Variants in PPP2R5E observed in about 807,000 individuals in gnomAD.
PPP2R5E encodes the protein serine/threonine-protein phosphatase 2A 56 kDa regulatory subunit epsilon isoform.
Under a neutral mutation model 65.3 loss-of-function variants are expected in PPP2R5E, and 4 were observed. That is an observed-to-expected ratio of 0.06 (90% CI 0.03 to 0.14). The LOEUF is 0.14. Ranked by LOEUF, PPP2R5E falls within the 10% of genes least tolerant of loss-of-function variation. PPP2R5E has a pLI of 1.00. For missense variants in PPP2R5E, 274 were observed against 556.1 expected (o/e 0.49, Z 5.10); for synonymous variants, 183 against 187.4 (o/e 0.98, Z 0.19).
chr14:63,398,742 A>C (rs1056585450), intron 5 of PPP2R5E, among the ~76,000 whole-genome samples: 1 of 152,214 alleles, frequency 6.6e-6, no homozygotes, highest in African/African-American at 2.4e-5. Context: ...GTGAGCCGAG[A>C]TCGCGCTGCT....
intron 2 of PPP2R5E, among the ~76,000 whole-genome samples, chr14:63,483,276 C>G (rs17101239): frequency 0.33 from 50,101 of 151,852 alleles, 11,082 homozygotes; most frequent in African/African-American, 0.63. Flanking sequence ...AGAATGCACT[C>G]GCAGACATAA....
intron 2 of PPP2R5E, among the ~76,000 whole-genome samples, chr14:63,485,708 C>A (rs1408027735): frequency 6.6e-6 from 1 of 151,570 alleles, no homozygotes; most frequent in Non-Finnish European, 1.5e-5. Flanking sequence ...GACACCGCGC[C>A]CAGCCAGCCA....
intron 6 of PPP2R5E, 22 bp from the exon 7 acceptor site, chr14:63,395,307 G>A (rs1023379530): frequency 2.0e-6 from 3 of 1,508,638 alleles, no homozygotes; most frequent in South Asian, 1.1e-5. Context: ...GGAGAAAAGG[G>A]AGGAGAAAGG....
chr14:63,479,520 A>G (rs1890584542), intron 2 of PPP2R5E: 1 of 152,242 alleles, frequency 6.6e-6, no homozygotes, highest in Non-Finnish European at 1.5e-5. Context: ...ACCTTGCTAA[A>G]TGAACTGACT....
intron 2 of PPP2R5E, among the ~76,000 whole-genome samples, chr14:63,512,953 G>C (rs1892520727): frequency 6.6e-6 from 1 of 151,676 alleles, no homozygotes; most frequent in Non-Finnish European, 1.5e-5. Context: ...TATCACCAAA[G>C]AGAACCAACA....
chr14:63,408,903 T>C (rs1028134271), intron 5 of PPP2R5E, among the ~76,000 whole-genome samples: 2 of 152,182 alleles, frequency 1.3e-5, no homozygotes, highest in African/African-American at 4.8e-5. Context: ...AAGAGCAGCC[T>C]GGCCAACATG....
intron 13 of PPP2R5E, among the ~76,000 whole-genome samples, chr14:63,378,156 A>G (rs77009199): frequency 0.013 from 1,947 of 152,324 alleles, 61 homozygotes; most frequent in East Asian, 0.12. Flanking sequence ...GGGTATATAT[A>G]AATCAATTGT....
intron 2 of PPP2R5E, among the ~76,000 whole-genome samples, chr14:63,460,967 GC>G (rs1470016953): frequency 6.6e-5 from 10 of 152,182 alleles, no homozygotes; most frequent in African/African-American, 2.4e-4. Flanking sequence ...TTCCAACACT[GC>G]ATGTTATCCC....
chr14:63,413,461 T>C (rs1423034900), intron 5 of PPP2R5E, among the ~76,000 whole-genome samples: 1 of 152,196 alleles, frequency 6.6e-6, no homozygotes, highest in East Asian at 1.9e-4. Flanking sequence ...CATCACGGCA[T>C]GATGGACAGA....
intron 3 of PPP2R5E, among the ~76,000 whole-genome samples, chr14:63,430,349 A>ACATACATACATACATGCATACATACATG (rs1566696239): frequency 3.9e-5 from 4 of 103,606 alleles, no homozygotes; most frequent in African/African-American, 1.5e-4. Context: ...ACCCATGTAT[A>ACATACATACATACATGCATACATACATG]CATACATACA....
intron 2 of PPP2R5E, among the ~76,000 whole-genome samples, chr14:63,512,993 C>G (rs1004243297): frequency 5.4e-5 from 7 of 130,424 alleles, no homozygotes; most frequent in Admixed American, 7.2e-5. Context: ...TTCTCCACCC[C>G]CCTACCCCCC....
intron 10 of PPP2R5E, among the ~76,000 whole-genome samples, chr14:63,391,299 G>C (rs1885007167): frequency 6.6e-6 from 1 of 152,184 alleles, no homozygotes; most frequent in South Asian, 2.1e-4. Flanking sequence ...ACTGGGGCAG[G>C]CTATTTAACC....
chr14:63,396,039 T>G (rs950585630), intron 6 of PPP2R5E, among the ~76,000 whole-genome samples: 1 of 992 alleles, frequency 1.0e-3, no homozygotes, highest in Non-Finnish European at 1.7e-3. Context: ...AGGGGGAAGA[T>G]GGGGGAGGGA....
intron 3 of PPP2R5E, among the ~76,000 whole-genome samples, chr14:63,437,002 C>T (rs1887979229): frequency 6.6e-6 from 1 of 152,166 alleles, no homozygotes; most frequent in South Asian, 2.1e-4. Context: ...GTCATAAAGA[C>T]CTTACTGATA....
At chr14:63,426,077 C>T (rs1233822801) in intron 3 of PPP2R5E, among the ~76,000 whole-genome samples, 1 of 152,174 alleles carries the variant, frequency 6.6e-6, no homozygotes, top group African/African-American at 2.4e-5. Flanking sequence ...TTGGACAATT[C>T]AGAGTTGACT....
intron 3 of PPP2R5E, chr14:63,452,941 TC>T (rs1344133104): frequency 6.6e-6 from 1 of 152,158 alleles, no homozygotes; most frequent in Non-Finnish European, 1.5e-5. Flanking sequence ...TAGACCAGCT[TC>T]CCCACCCTGC....
chr14:63,399,452 T>C (rs1189747518), intron 5 of PPP2R5E, among the ~76,000 whole-genome samples: 8 of 141,178 alleles, frequency 5.7e-5, no homozygotes, highest in Admixed American at 5.3e-4. Flanking sequence ...CTATCTCGGC[T>C]TACTGAAACC....
chr14:63,398,499 T>C (rs1011183438), intron 5 of PPP2R5E, among the ~76,000 whole-genome samples: 20 of 152,222 alleles, frequency 1.3e-4, no homozygotes, highest in African/African-American at 4.8e-4. Context: ...TCTATTTTAT[T>C]GATCATTACA....
At chr14:63,471,410 G>A (rs1890125031) in intron 2 of PPP2R5E, among the ~76,000 whole-genome samples, 1 of 152,256 alleles carries the variant, frequency 6.6e-6, no homozygotes, top group African/African-American at 2.4e-5. Flanking sequence ...CTGAAGACAG[G>A]TCAGGTATTA....
Sources: gnomAD v4.1 joint callset for allele counts (sites outside exome capture counted in the v4.1 genomes callset) on GRCh38, gnomAD v4.1.1 for gene constraint, MANE v1.5 for transcripts, NCBI Gene and HGNC (gene_info 2026-07-23, HGNC 2026-07-21) for gene names.